The following ARHGAP11A variants were observed in gnomAD, a reference collection of about 807,000 sequenced individuals.
ARHGAP11A encodes rho GTPase-activating protein 11A.
In ARHGAP11A, 36 loss-of-function variants were observed where a neutral mutation model predicts 60.5. The ratio of observed to expected loss-of-function variants is 0.59; its 90% confidence interval spans 0.46 to 0.79. The LOEUF is 0.79. ARHGAP11A is among the 30% of genes least tolerant of loss of function. The pLI is 0.00. For synonymous variants in ARHGAP11A, 362 were observed against 415.5 expected (o/e 0.87, Z 1.57); for missense variants, 1,071 against 1,199.2 (o/e 0.89, Z 1.58).
rs957786944 is a variant in ARHGAP11A at position 32,625,259 on chromosome 15, A to G, written c.715+16A>G. The G allele has an allele frequency of 1.1e-5, 17 of 1,581,828 alleles. No homozygotes were observed. The highest frequency in any genetic ancestry group is 1.9e-5 in the Admixed American group (1 of 53,922). On this transcript the variant is annotated intron_variant, in intron 5 of 11. Transcript: ENST00000361627. Reference sequence around the variant, plus strand: ...TCAGATATTGGTAAGATGTAGTTGCATTATTAACAGAATTTGTTTAAATGA... The same window carrying G: ...TCAGATATTGGTAAGATGTAGTTGCGTTATTAACAGAATTTGTTTAAATGA...
chr15:32,629,613 C>G lies in ARHGAP11A; in HGVS notation c.956C>G (p.Pro319Arg). 9 of 1,608,244 alleles carry G rather than the reference C, an allele frequency of 5.6e-6. No homozygotes were observed. The highest frequency in any genetic ancestry group is 7.6e-6 in the Non-Finnish European group (9 of 1,177,710). Residue 319 changes from proline (P) to arginine (R), a missense_variant, in exon 8 of 12, where the codon CCA becomes CGA. Coordinates refer to ENST00000361627, the MANE Select transcript of ARHGAP11A (RefSeq NM_014783.6). ...TTTTCAGCCCAGCTATCTGAATCAC[C>G]AGTGATTCTTACACCAAATGCTAAG... ...EERIAQLSES[P>R]VILTPNAKRT...
Position 32,625,681 on chromosome 15 carries a change from G to T in ARHGAP11A, c.862+48G>T, listed in dbSNP as rs532107509. The T allele has an allele frequency of 3.7e-6, 6 of 1,601,852 alleles. No individual in the cohort carries two copies. The South Asian group carries it at 6.7e-5, about 18-fold the overall frequency. On this transcript the variant is annotated intron_variant, in intron 6 of 11. Transcript: ENST00000361627. ...GGAGGTACAGTGATTTGCTTTAATC[G>T]AAAGTACATTTCACATAAAGAAGCA...
chr15:32,621,801 G>A (rs547354096), intron 2 of ARHGAP11A, among the ~76,000 whole-genome samples: 176 of 147,652 alleles, frequency 1.2e-3, no homozygotes, highest in African/African-American at 3.9e-3. Context: ...CAGCCTGGGC[G>A]ACAGAGTGAG....
At position 32,637,137 on chromosome 15, in the gene ARHGAP11A, G is replaced by A; in HGVS notation, c.2364G>A (p.Leu788=). Reference sequence around the variant, plus strand: ...TGAGAATTGCTAAACAGCAGTCATTGGAAACATGTGAGAAAACAGTTTCTG... The same window carrying A: ...TGAGAATTGCTAAACAGCAGTCATTAGAAACATGTGAGAAAACAGTTTCTG... The part of the protein sequence containing the change: ...RPMRIAKQQS[L]ETCEKTVSES... Residue 788 remains leucine (L), a synonymous_variant, in exon 12 of 12, where the codon TTG becomes TTA. Coordinates refer to ENST00000361627, the MANE Select transcript of ARHGAP11A (RefSeq NM_014783.6). 1 of 1,614,078 alleles carries A rather than the reference G, an allele frequency of 6.2e-7. No homozygotes were observed. The highest frequency in any genetic ancestry group is 1.1e-5 in the South Asian group (1 of 91,068).
chr15:32,629,561 G>A (rs555200278), intron 7 of ARHGAP11A, 34 bp from the exon 8 acceptor site: 1 of 1,570,496 alleles, frequency 6.4e-7, no homozygotes, highest in African/African-American at 1.4e-5. Flanking sequence ...CTCTGCAGTA[G>A]AAACAAGTTG....
chr15:32,633,868 C>T (rs946576078), intron 9 of ARHGAP11A, 65 bp from the exon 10 acceptor site: 5 of 948,162 alleles, frequency 5.3e-6, no homozygotes, highest in South Asian at 3.2e-5. Flanking sequence ...TTTCAAATTT[C>T]GTATTTCAAG....
Position 32,636,558 on chromosome 15 carries a change from T to A in ARHGAP11A, c.1785T>A (p.Thr595=). 6.2e-7 allele frequency: 1 copy of A among 1,614,052 alleles called. No homozygotes were observed. Among genetic ancestry groups the A allele is most frequent in the Non-Finnish European group, 8.5e-7 (1 of 1,179,960 alleles). ...SGDENNMTKE[T]LVKVQKAFSE... is the part of the protein sequence containing the mutation. ...ATGAAAATAACATGACCAAAGAGAC[T>A]TTGGTGAAAGTTCAAAAAGCGTTTT... Residue 595 remains threonine, a synonymous_variant, in exon 12 of 12, where the codon ACT becomes ACA. Coordinates refer to ENST00000361627, the MANE Select transcript of ARHGAP11A (RefSeq NM_014783.6).
At chr15:32,626,609 C>G (rs998012640) in intron 6 of ARHGAP11A, among the ~76,000 whole-genome samples, 2 of 152,176 alleles carry the variant, frequency 1.3e-5, no homozygotes, top group Admixed American at 1.3e-4. Flanking sequence ...TTTCCTAGGG[C>G]TACTGTAGCA....
In ARHGAP11A at chr15:32,637,724, G is replaced by A. The variant is rs764625681; in HGVS notation, c.2951G>A (p.Gly984Glu). Residue 984 changes from glycine to glutamate, a missense_variant, in exon 12 of 12, where the codon GGG (glycine) becomes GAG (glutamate). Coordinates refer to ENST00000361627, the MANE Select transcript of ARHGAP11A (RefSeq NM_014783.6). Reference protein sequence around the residue: ...VVNNNMGISSGINNRVLRRPS... With the variant: ...VVNNNMGISSEINNRVLRRPS... The stretch of plus-strand genomic sequence containing the variant: ...AATAACAACATGGGCATTTCTTCTG[G>A]GATAAATAACAGGGTCCTTAGGAGA... 8.7e-6 allele frequency: 14 copies of A among 1,614,090 alleles called. No individual in the cohort carries two copies. In the South Asian group the frequency reaches 1.4e-4, roughly 16 times the overall value.
chr15:32,621,229 C>T (rs1356962047), intron 2 of ARHGAP11A, among the ~76,000 whole-genome samples: 18 of 119,804 alleles, frequency 1.5e-4, no homozygotes, highest in South Asian at 2.7e-4. Flanking sequence ...TCACTCTTGT[C>T]GCCCAGGCTG....
chr15:32,627,748 A>G (rs2053499667), intron 6 of ARHGAP11A, among the ~76,000 whole-genome samples: 1 of 152,012 alleles, frequency 6.6e-6, no homozygotes, highest in African/African-American at 2.4e-5. Context: ...AATTAAAAAA[A>G]GAATCTTCTT....
chr15:32,633,670 C>T (rs2053636700), intron 9 of ARHGAP11A, among the ~76,000 whole-genome samples: 1 of 151,970 alleles, frequency 6.6e-6, no homozygotes, highest in Non-Finnish European at 1.5e-5. Flanking sequence ...GAAAAAAATT[C>T]CTGTTAGGTT....
chr15:32,616,325 A>G lies in ARHGAP11A; in HGVS notation c.114A>G (p.Ala38=). ...GCGATCGCAGGAGACATGAAACAGCAGCCACGGAAATAGGGGTAAGTTCTG... is the reference window on the plus strand; with the variant it reads ...GCGATCGCAGGAGACATGAAACAGCGGCCACGGAAATAGGGGTAAGTTCTG... ...GQCDRRRHET[A]ATEIGGKIFG... is the part of the protein sequence containing the mutation. Residue 38 remains alanine (A), a synonymous_variant, in exon 1 of 12, where the codon GCA becomes GCG. Transcript: ENST00000361627. 1 of 1,614,000 alleles carries G rather than the reference A, an allele frequency of 6.2e-7. No individual in the cohort carries two copies. The highest frequency in any genetic ancestry group is 8.5e-7 in the Non-Finnish European group (1 of 1,179,932).
chr15:32,624,894 TA>T (rs1432336386), intron 4 of ARHGAP11A, among the ~76,000 whole-genome samples, 185 bp from the exon 5 acceptor site: 1 of 152,038 alleles, frequency 6.6e-6, no homozygotes, highest in African/African-American at 2.4e-5. Flanking sequence ...AATACATATT[TA>T]AATATAGAGA....
At chr15:32,617,973 A>C (rs1159510699) in intron 1 of ARHGAP11A, among the ~76,000 whole-genome samples, 3 of 152,204 alleles carry the variant, frequency 2.0e-5, no homozygotes, top group Admixed American at 2.0e-4. Flanking sequence ...CTCTTTATGT[A>C]GGCCTAGCAC....
rs904865491 is a variant in ARHGAP11A at position 32,638,872 on chromosome 15, TGA to T, written c.*1028_*1029del. On this transcript the variant is annotated 3_prime_UTR_variant, in exon 12 of 12. Coordinates refer to ENST00000361627, the MANE Select transcript of ARHGAP11A (RefSeq NM_014783.6). The stretch of plus-strand genomic sequence containing the variant: ...GCAATTATTTAAAGAGGGATAATCT[TGA>T]AAAAAATTAACCAAGGTGATTTCTT... 6.6e-6 allele frequency: 1 copy of T among 152,668 alleles called. No individual in the cohort carries two copies. The highest frequency in any genetic ancestry group is 2.4e-5 in the African/African-American group (1 of 41,472). The allele number at this position is 152,668 out of a possible 1,614,324, so 9.5% of individuals were successfully genotyped here. A position where few individuals can be genotyped will look rare whatever the true frequency, so the allele number is the denominator to read the frequency against.
chr15:32,630,379 G>A (rs952802705), intron 8 of ARHGAP11A, among the ~76,000 whole-genome samples: 8 of 109,494 alleles, frequency 7.3e-5, no homozygotes, highest in African/African-American at 3.0e-4. Flanking sequence ...GAGTAATAGA[G>A]TATGATCATG....
chr15:32,628,733 G>A lies in ARHGAP11A; in HGVS notation c.868G>A (p.Val290Ile). ...GCTTATGCCTTGCATTTCAGATTTTGTTAGTGGAGCACTAAATAAATTTAA... is the reference window on the plus strand; with the variant it reads ...GCTTATGCCTTGCATTTCAGATTTTATTAGTGGAGCACTAAATAAATTTAA... Reference protein sequence around the residue: ...RKRRQSVGDFVSGALNKFKPN... With the variant: ...RKRRQSVGDFISGALNKFKPN... The change falls in exon 7 of 12, where the codon GTT becomes ATT. Residue 290 changes from valine to isoleucine, a missense_variant. Physicochemically the swap from Val to Ile is conservative, Grantham distance 29 (BLOSUM62 3). This residue lies in a region of ARHGAP11A where 196 missense variants were observed against 272.1 expected (regional missense o/e 0.72). Coordinates refer to ENST00000361627, the MANE Select transcript of ARHGAP11A (RefSeq NM_014783.6). 1 of 1,567,484 alleles carries A rather than the reference G, an allele frequency of 6.4e-7. No individual in the cohort carries two copies. The highest frequency in any genetic ancestry group is 1.2e-5 in the South Asian group (1 of 80,780).
At chr15:32,633,634 C>T (rs2053635471) in intron 9 of ARHGAP11A, among the ~76,000 whole-genome samples, 2 of 151,998 alleles carry the variant, frequency 1.3e-5, no homozygotes, top group African/African-American at 2.4e-5. Flanking sequence ...CAGAGTGAGA[C>T]CCTGTCTCAA....
Sources: allele counts gnomAD v4.1 joint callset (sites outside exome capture counted in the v4.1 genomes callset), GRCh38; gene constraint gnomAD v4.1.1; regional missense constraint gnomAD v4.1.1; transcripts MANE v1.5; gene names NCBI Gene and HGNC (gene_info 2026-07-23, HGNC 2026-07-21).